The following HIVEP2 variants were observed in gnomAD, a reference collection of about 807,000 sequenced individuals.
HIVEP2 encodes HIVEP zinc finger 2, also known as transcription factor HIVEP2.
A neutral mutation model predicts 180.7 loss-of-function variants in HIVEP2; 14 were observed. The ratio of observed to expected loss-of-function variants is 0.08; its 90% CI spans 0.05 to 0.12. HIVEP2 has a LOEUF of 0.12. HIVEP2 is among the 10% of genes least tolerant of loss of function. The pLI is 1.00. For missense variants in HIVEP2, 2,579 were observed against 3,008.5 expected (o/e 0.86, Z 3.34); for synonymous variants, 1,184 against 1,136.4 (o/e 1.04, Z -0.84).
intron 2 of HIVEP2, among the ~76,000 whole-genome samples, chr6:142,824,088 C>T (rs113984589): frequency 1.8e-4 from 28 of 152,036 alleles, no homozygotes; most frequent in African/African-American, 6.5e-4. Context: ...AATACAATTA[C>T]ATTACATGCT....
chr6:142,772,410 A>AAT lies in HIVEP2; in HGVS notation c.2328_2329insAT (p.Ser777IlefsTer14). On this transcript the variant is annotated frameshift_variant, in exon 5 of 10. Transcript: ENST00000367603. LOFTEE classifies it high-confidence loss of function. The surrounding 1 kb of genome is among the most constrained non-coding windows in gnomAD (Gnocchi z 4.9). ...TTGTCTGAATCAATGGCTGAAGGTG[A>AAT]CTCCTCTGACACAAGAGATGGACTT... 1 of 1,613,950 alleles carries AAT rather than the reference A, an allele frequency of 6.2e-7. No homozygotes were observed. The highest frequency in any genetic ancestry group is 8.5e-7 in the Non-Finnish European group (1 of 1,179,988).
At chr6:142,938,604 GTA>G (rs1287458753) in intron 1 of HIVEP2, among the ~76,000 whole-genome samples, 2 of 152,148 alleles carry the variant, frequency 1.3e-5, no homozygotes, top group African/African-American at 4.8e-5. Context: ...TCTATGATTT[GTA>G]TATGTGTGTA....
At chr6:142,838,885 T>C (rs1167097489) in intron 1 of HIVEP2, among the ~76,000 whole-genome samples, 2 of 152,160 alleles carry the variant, frequency 1.3e-5, no homozygotes, top group Admixed American at 6.6e-5. Flanking sequence ...CAACCAGTCA[T>C]TAAGCAATAT....
At chr6:142,861,252 G>T (rs1018936298) in intron 1 of HIVEP2, among the ~76,000 whole-genome samples, 3 of 152,152 alleles carry the variant, frequency 2.0e-5, no homozygotes, top group African/African-American at 7.2e-5. Flanking sequence ...CCAAGTAGCA[G>T]TCTTTCCCCA....
In HIVEP2 at chr6:142,921,713, C is replaced by G. The variant is rs575420218; in HGVS notation, c.-641+23386G>C. 3.3e-5 allele frequency among the ~76,000 whole-genome samples: 5 copies of G among 152,282 alleles called. No individual in the cohort carries two copies. In the East Asian group the frequency reaches 9.7e-4, roughly 29 times the overall value. ...TCTAAGTCAGGCCATGTATTAATCTCAAACCAGTAGTTAATCCTAATCTGA... is the reference window on the plus strand; with the variant it reads ...TCTAAGTCAGGCCATGTATTAATCTGAAACCAGTAGTTAATCCTAATCTGA... On this transcript the variant is annotated intron_variant, in intron 1 of 9. Coordinates refer to ENST00000367603, the MANE Select transcript of HIVEP2 (RefSeq NM_006734.4).
chr6:142,888,510 A>T lies in HIVEP2; in HGVS notation c.-640-51463T>A, dbSNP rs1776767425. Among the ~76,000 whole-genome samples, 3 of 152,300 alleles carry T rather than the reference A, an allele frequency of 2.0e-5. No homozygotes were observed. The South Asian group carries it at 6.2e-4, about 32-fold the overall frequency. On this transcript the variant is annotated intron_variant, in intron 1 of 9. Transcript: ENST00000367603. Reference sequence around the variant, plus strand: ...TAATAGTGACATTTTTTCATTTAGTAAATAAGATTGCTTCCAAAATATTTC... The same window carrying T: ...TAATAGTGACATTTTTTCATTTAGTTAATAAGATTGCTTCCAAAATATTTC...
At chr6:142,835,992 C>T (rs1411562829) in intron 2 of HIVEP2, among the ~76,000 whole-genome samples, 1 of 152,186 alleles carries the variant, frequency 6.6e-6, no homozygotes. Flanking sequence ...GATGATTAGA[C>T]ACTTTCCTCT....
At chr6:142,803,527 C>T (rs1209812677) in intron 2 of HIVEP2, among the ~76,000 whole-genome samples, 1 of 149,802 alleles carries the variant, frequency 6.7e-6, no homozygotes, top group Admixed American at 6.7e-5. Context: ...ATAACCAACA[C>T]TGAGGCAAAA....
rs768674108 is a variant in HIVEP2 at position 142,753,389 on chromosome 6, C to T, written c.7059G>A (p.Arg2353=). ...GGGGGTTCTGGTGGGGCTCCTGCAC[C>T]CGCGCTGGCTGATCTGGCCCGAGCA... The part of the protein sequence containing the change: ...AALLGPDQPA[R]VQEPHQNPLG... The change falls in exon 10 of 10, where the codon CGG becomes CGA. Residue 2353 remains arginine (R), a synonymous_variant. Coordinates refer to ENST00000367603, the MANE Select transcript of HIVEP2 (RefSeq NM_006734.4). 2 of 1,613,964 alleles carry T rather than the reference C, an allele frequency of 1.2e-6. No individual in the cohort carries two copies. The highest frequency in any genetic ancestry group is 2.2e-5 in the South Asian group (2 of 91,084).
chr6:142,794,304 G>A (rs1450589730), intron 2 of HIVEP2, among the ~76,000 whole-genome samples: 1 of 152,112 alleles, frequency 6.6e-6, no homozygotes, highest in African/African-American at 2.4e-5. Context: ...CAATAATGGG[G>A]ACTATTAAAT....
intron 1 of HIVEP2, among the ~76,000 whole-genome samples, chr6:142,873,647 A>C (rs528963432): frequency 2.0e-5 from 3 of 152,316 alleles, no homozygotes; most frequent in East Asian, 3.9e-4. Flanking sequence ...CCATTTGCGT[A>C]TACTGAATCT....
intron 2 of HIVEP2, among the ~76,000 whole-genome samples, chr6:142,823,555 T>G (rs1342212414): frequency 6.6e-6 from 1 of 152,346 alleles, no homozygotes; most frequent in Non-Finnish European, 1.5e-5. Context: ...TCAGATGGTG[T>G]GGACGCAACA....
intron 1 of HIVEP2, among the ~76,000 whole-genome samples, chr6:142,874,192 A>C (rs1776368099): frequency 6.6e-6 from 1 of 152,190 alleles, no homozygotes; most frequent in Non-Finnish European, 1.5e-5. Context: ...AATAAAAAAC[A>C]ATGTTCACTT....
chr6:142,761,541 G>C lies in HIVEP2; in HGVS notation c.5543C>G (p.Ser1848Cys). 6.2e-7 allele frequency: 1 copy of C among 1,602,120 alleles called. No homozygotes were observed. The highest frequency in any genetic ancestry group is 8.5e-7 in the Non-Finnish European group (1 of 1,169,838). The change falls in exon 8 of 10, where the codon TCT becomes TGT. Residue 1848 changes from serine to cysteine, a missense_variant. Ser to Cys is a moderately radical substitution (Grantham distance 112, BLOSUM62 -1). Around this residue, in one of 11 missense-constraint regions of HIVEP2, gnomAD observed 660 missense variants for 731.7 expected, o/e 0.90. Transcript: ENST00000367603. ...CAGGCATTTTTTCATGTGTGCTTTA[G>C]ATTTCATATGCTTCGTTAGGTTTCC... is the stretch of plus-strand genomic sequence containing the variant. ...TKGNLTKHMK[S>C]KAHMKKCLEL... is the part of the protein sequence containing the mutation.
At chr6:142,810,435 G>C (rs1776662582) in intron 2 of HIVEP2, among the ~76,000 whole-genome samples, 1 of 152,034 alleles carries the variant, frequency 6.6e-6, no homozygotes, top group South Asian at 2.1e-4. Flanking sequence ...AAACATAATG[G>C]AATACATAGA....
intron 2 of HIVEP2, among the ~76,000 whole-genome samples, chr6:142,818,736 AG>A (rs1562249155): frequency 1.2e-5 from 1 of 85,934 alleles, no homozygotes; most frequent in Non-Finnish European, 2.6e-5. Context: ...AAGAAAGAAA[AG>A]AAAGAAAGAA....
rs773936833 is a variant in HIVEP2, at chr6:142,753,498, G to T, written c.6950C>A (p.Ala2317Glu). The T allele has an allele frequency of 6.2e-7, 1 of 1,614,132 alleles. No individual in the cohort carries two copies. Among genetic ancestry groups the T allele is most frequent in the Non-Finnish European group, 8.5e-7 (1 of 1,180,044 alleles). The change falls in exon 10 of 10, where the codon GCA becomes GAA. Residue 2317 changes from alanine to glutamate, a missense_variant. Physicochemically the swap from Ala to Glu is moderately radical, Grantham distance 107. Coordinates refer to ENST00000367603, the MANE Select transcript of HIVEP2 (RefSeq NM_006734.4). Reference protein sequence around the residue: ...KQSTSEDSLNATEREQEENIQ... With the variant: ...KQSTSEDSLNETEREQEENIQ... ...ATTTTCCTCCTGTTCCCGCTCTGTT[G>T]CGTTTAGGCTGTCTTCCGAAGTGCT...
intron 3 of HIVEP2, among the ~76,000 whole-genome samples, chr6:142,776,985 A>C (rs533712928): frequency 4.6e-5 from 7 of 152,336 alleles, no homozygotes; most frequent in Non-Finnish European, 8.8e-5. Flanking sequence ...GTAATCGTTC[A>C]ATTTTAAGTG....
rs774151512 is a variant in HIVEP2, at chr6:142,771,559, A to G, written c.3180T>C (p.Pro1060=). ...SFDYGNLSHA[P]VSGAAASTVS... is the part of the protein sequence containing the mutation. ...CCGTGGAGGCTGCTGCTCCCGACAC[A>G]GGAGCATGGGACAGATTCCCATAAT... Residue 1060 remains proline, a synonymous_variant, in exon 5 of 10, where the codon CCT becomes CCC. Coordinates refer to ENST00000367603, the MANE Select transcript of HIVEP2 (RefSeq NM_006734.4). This position sits in a 1 kb window ranked among gnomAD's most constrained non-coding sequence, Gnocchi z 5.4. The G allele has an allele frequency of 3.7e-6, 6 of 1,613,982 alleles. No homozygotes were observed. In the South Asian group the frequency reaches 5.5e-5, roughly 15 times the overall value.
Sources: gnomAD v4.1 joint callset for allele counts (sites outside exome capture counted in the v4.1 genomes callset) on GRCh38, gnomAD v4.1.1 for gene constraint, gnomAD v4.1.1 regional missense constraint, Gnocchi (gnomAD v3.1) non-coding constraint, MANE v1.5 for transcripts, NCBI Gene and HGNC (gene_info 2026-07-23, HGNC 2026-07-21) for gene names.